RAD21L1: variants seen among roughly 807,000 people sequenced by gnomAD.
RAD21L1 encodes double-strand-break repair protein rad21-like protein 1.
Under a neutral mutation model 69.0 loss-of-function variants are expected in RAD21L1, and 47 were observed. That is an observed-to-expected ratio of 0.68 (90% CI 0.54 to 0.87). RAD21L1 has a LOEUF of 0.87. Among genes scored for constraint, RAD21L1 ranks in the 40% least tolerant of loss-of-function variants. The pLI is 0.00. For synonymous variants in RAD21L1, 177 were observed against 205.8 expected, an observed-to-expected ratio of 0.86 and a Z score of 1.20; for missense variants, 583 against 647.6, an observed-to-expected ratio of 0.90 and a Z score of 1.08.
In RAD21L1 at chr20:1,231,508, G is replaced by C. The variant is rs781128243; in HGVS notation, c.275-18G>C. ...ATAGCATTGTTGCTTATTGAGTATG[G>C]TTTTTGATCCTTTTCAGGACTGGTT... On this transcript the variant is annotated intron_variant, in intron 3 of 13. Transcript: ENST00000683101. The C allele has an allele frequency of 7.5e-7, 1 of 1,337,510 alleles. No individual in the cohort carries two copies. Among genetic ancestry groups the C allele is most frequent in the South Asian group, 1.3e-5 (1 of 76,778 alleles). 82.9% of individuals were successfully genotyped at this position (1,337,510 alleles called of 1,614,324 possible).
chr20:1,226,682 A>G (rs1815545353), intron 1 of RAD21L1, among the ~76,000 whole-genome samples: 1 of 151,842 alleles, frequency 6.6e-6, no homozygotes, highest in Admixed American at 6.6e-5. Flanking sequence ...GAGTGGCCCC[A>G]TCCCGGTGGC....
At chr20:1,234,737 C>A (rs1055601776) in intron 5 of RAD21L1, among the ~76,000 whole-genome samples, 4 of 151,976 alleles carry the variant, frequency 2.6e-5, no homozygotes, top group Admixed American at 6.6e-5. Context: ...TTGGGCAAGG[C>A]GATTGTACTT....
rs139258635 is a variant in RAD21L1 at position 1,252,181 on chromosome 20, G to A, written c.1480-2088G>A. On this transcript the variant is annotated intron_variant, in intron 13 of 13. Coordinates refer to ENST00000683101, the MANE Select transcript of RAD21L1 (RefSeq NM_001384355.1). ...TCTTTCCTTAGTGATTTTCTTGAAT[G>A]TATTCCTTTTTGCTCTTTAATATTA... 6.6e-4 allele frequency among the ~76,000 whole-genome samples: 101 copies of A among 152,264 alleles called. 2 individuals carry two copies. In the East Asian group the frequency reaches 0.019, roughly 29 times the overall value.
Position 1,246,741 on chromosome 20 carries a change from T to C in RAD21L1, c.1401+436T>C, listed in dbSNP as rs572835478. Among the ~76,000 whole-genome samples the C allele has an allele frequency of 6.6e-6, 1 of 152,284 alleles. No homozygotes were observed. Among genetic ancestry groups the C allele is most frequent in the Admixed American group, 6.5e-5 (1 of 15,274 alleles). On this transcript the variant is annotated intron_variant, in intron 12 of 13. Coordinates refer to ENST00000683101, the MANE Select transcript of RAD21L1 (RefSeq NM_001384355.1). The surrounding 1 kb of genome is among the most constrained non-coding windows in gnomAD (Gnocchi z 4.6). ...CATTATGTGGCACAAGGCTTGTATCTATACAAGGCTTCTGGAAATCTGAAA... is the reference window on the plus strand; with the variant it reads ...CATTATGTGGCACAAGGCTTGTATCCATACAAGGCTTCTGGAAATCTGAAA...
chr20:1,240,683 GA>G (rs977805085), intron 8 of RAD21L1, among the ~76,000 whole-genome samples: 2 of 152,064 alleles, frequency 1.3e-5, no homozygotes, highest in Non-Finnish European at 2.9e-5. Flanking sequence ...TGGGTGGGGG[GA>G]GCTTTCAATC....
At chr20:1,242,537 A>G in intron 8 of RAD21L1, 82 bp from the exon 9 acceptor site, 1 of 1,115,608 alleles carries the variant, frequency 9.0e-7, no homozygotes, top group Non-Finnish European at 1.3e-6. Flanking sequence ...CTGGCTTAGA[A>G]ATTTCTTAAG....
At chr20:1,242,526 C>G in intron 8 of RAD21L1, 93 bp from the exon 9 acceptor site, 1 of 972,010 alleles carries the variant, frequency 1.0e-6, no homozygotes, top group Non-Finnish European at 1.6e-6. Flanking sequence ...AGCCACCGTG[C>G]CTGGCTTAGA....
intron 4 of RAD21L1, among the ~76,000 whole-genome samples, chr20:1,231,955 G>A (rs1478015075): frequency 1.2e-4 from 18 of 152,112 alleles, no homozygotes; most frequent in Admixed American, 1.2e-3. Flanking sequence ...ATTTTATTTG[G>A]GGTAGCTAAT....
chr20:1,233,811 TGAA>T (rs1461749634), intron 4 of RAD21L1, among the ~76,000 whole-genome samples: 1 of 152,068 alleles, frequency 6.6e-6, no homozygotes, highest in African/African-American at 2.4e-5. Context: ...GCATTTGAGG[TGAA>T]GAAGACACAA....
intron 8 of RAD21L1, among the ~76,000 whole-genome samples, chr20:1,241,326 CA>C (rs2087603013): frequency 6.6e-6 from 1 of 152,170 alleles, no homozygotes; most frequent in African/African-American, 2.4e-5. Context: ...TGCCTTCTAG[CA>C]TTTAACTTCA....
At position 1,242,615 on chromosome 20, in the gene RAD21L1, T is replaced by C; in HGVS notation, c.857-4T>C. On this transcript the variant is annotated splice_polypyrimidine_tract_variant and splice_region_variant and intron_variant, in intron 8 of 13. Transcript: ENST00000683101. ...ATCACATTTGTGCTATTTCTTATAT[T>C]TAGACATTGCTGAGAAAAGGAAAGG... 1 of 1,540,460 alleles carries C rather than the reference T, an allele frequency of 6.5e-7. No individual in the cohort carries two copies. Among genetic ancestry groups the C allele is most frequent in the Non-Finnish European group, 8.8e-7 (1 of 1,136,796 alleles).
In RAD21L1 at chr20:1,239,357, A is replaced by C. The variant is rs1568520775; in HGVS notation, c.692A>C (p.His231Pro). 6 of 1,550,492 alleles carry C rather than the reference A, an allele frequency of 3.9e-6. No individual in the cohort carries two copies. The South Asian group carries it at 7.1e-5, about 18-fold the overall frequency. The part of the protein sequence containing the change: ...DDQNILLEDM[H>P]LNREISLPSE... ...CAGAATATCCTGTTAGAAGACATGC[A>C]TTTGAACAGAGAAATTTCCCTGCCT... The change falls in exon 7 of 14, where the codon CAT (histidine) becomes CCT (proline). Residue 231 changes from histidine to proline, a missense_variant. Transcript: ENST00000683101.
chr20:1,254,211 CT>C, intron 13 of RAD21L1, 57 bp from the exon 14 acceptor site: 1 of 1,215,562 alleles, frequency 8.2e-7, no homozygotes, highest in Non-Finnish European at 1.1e-6. Context: ...TTATAGCCGG[CT>C]TTACTTCTAA....
At chr20:1,243,046 A>C (rs2122846376) in intron 9 of RAD21L1, 51 bp from the exon 10 acceptor site, 1 of 1,162,404 alleles carries the variant, frequency 8.6e-7, no homozygotes, top group East Asian at 2.6e-5. Context: ...GTTTTCTTGA[A>C]TTGCTTTGCT....
In RAD21L1 at chr20:1,244,101, T is replaced by C; in HGVS notation, c.1239T>C (p.Thr413=). 1 of 1,549,730 alleles carries C rather than the reference T, an allele frequency of 6.5e-7. No homozygotes were observed. The highest frequency in any genetic ancestry group is 2.4e-5 in the East Asian group (1 of 40,882). Residue 413 remains threonine (T), a synonymous_variant, in exon 11 of 14, where the codon ACT becomes ACC. Transcript: ENST00000683101. ...NYQQELSKPQ[T]WKDVIGGSQH... is the part of the protein sequence containing the mutation. ...AGCAAGAGTTAAGTAAACCCCAAAC[T>C]TGGAAGGATGTGATTGGTGGATCTC... is the stretch of plus-strand genomic sequence containing the variant.
In RAD21L1 at chr20:1,239,427, T is replaced by C. The variant is rs1048957463; in HGVS notation, c.742+20T>C. 2.4e-5 allele frequency: 32 copies of C among 1,336,156 alleles called. No individual in the cohort carries two copies. In the East Asian group the frequency reaches 7.3e-4, roughly 30 times the overall value. 82.8% of individuals were successfully genotyped at this position (1,336,156 alleles called of 1,614,324 possible). ...TAGCAGGTAGGTTGAAATTTTCCTT[T>C]ATGAGAAAGTAATGGGTTACTAATG... On this transcript the variant is annotated intron_variant, in intron 7 of 13. Transcript: ENST00000683101.
intron 12 of RAD21L1, among the ~76,000 whole-genome samples, chr20:1,247,606 A>T (rs1035625517): frequency 1.9e-4 from 29 of 152,176 alleles, no homozygotes; most frequent in African/African-American, 7.0e-4. Context: ...GGAAGCTGGT[A>T]TAGTTGGTGG....
chr20:1,248,029 G>T (rs2087750717), intron 12 of RAD21L1, among the ~76,000 whole-genome samples: 1 of 115,712 alleles, frequency 8.6e-6, no homozygotes, highest in African/African-American at 3.4e-5. Context: ...TCTGAAAGTG[G>T]TTAAGCCTTA....
chr20:1,251,668 AT>A (rs1326715858), intron 13 of RAD21L1, among the ~76,000 whole-genome samples: 9 of 151,434 alleles, frequency 5.9e-5, no homozygotes, highest in Admixed American at 5.9e-4. Flanking sequence ...CTCTATATTA[AT>A]TTCTTTGTAT....
Sources: allele counts gnomAD v4.1 joint callset (sites outside exome capture counted in the v4.1 genomes callset), GRCh38; gene constraint gnomAD v4.1.1; non-coding constraint Gnocchi (gnomAD v3.1); transcripts MANE v1.5; gene names NCBI Gene and HGNC (gene_info 2026-07-23, HGNC 2026-07-21).